The following SLC4A10 variants were observed in gnomAD, a reference collection of about 807,000 sequenced individuals.
SLC4A10 encodes the protein sodium-driven chloride bicarbonate exchanger.
Under a neutral mutation model 137.7 loss-of-function variants are expected in SLC4A10, and 42 were observed. The ratio of observed to expected loss-of-function variants is 0.30; its 90% confidence interval spans 0.24 to 0.39. SLC4A10 has a LOEUF of 0.39. SLC4A10 is among the 10% of genes least tolerant of loss of function. SLC4A10 has a pLI of 1.00. For missense variants in SLC4A10, 925 were observed against 1,355.0 expected, an observed-to-expected ratio of 0.68 and a Z score of 4.98; for synonymous variants, 474 against 464.1, an observed-to-expected ratio of 1.02 and a Z score of -0.27.
At chr2:161,630,499 G>A (rs989162122) in intron 1 of SLC4A10, among the ~76,000 whole-genome samples, 2 of 151,566 alleles carry the variant, frequency 1.3e-5, no homozygotes, top group Non-Finnish European at 3.0e-5. Flanking sequence ...TTTTAGACTG[G>A]CTCCTTAATT....
chr2:161,820,167 T>A (rs548710903), intron 3 of SLC4A10, among the ~76,000 whole-genome samples: 1 of 152,248 alleles, frequency 6.6e-6, no homozygotes, highest in East Asian at 1.9e-4. Flanking sequence ...TCTTAGGTGG[T>A]AAATTGTGCA....
chr2:161,922,094 G>A lies in SLC4A10; in HGVS notation c.1997+16207G>A, dbSNP rs142839405. Among the ~76,000 whole-genome samples, 328 of 152,226 alleles carry A rather than the reference G, an allele frequency of 2.2e-3. 2 individuals carry two copies. The highest frequency in any genetic ancestry group is 7.5e-3 in the African/African-American group (313 of 41,554). ...CACAAAATTACATTATACAAATGAC[G>A]TAAGTGCTATCATATAAAAGTATAG... is the stretch of plus-strand genomic sequence containing the variant. On this transcript the variant is annotated intron_variant, in intron 15 of 26. Transcript: ENST00000446997.
intron 1 of SLC4A10, among the ~76,000 whole-genome samples, chr2:161,686,238 T>G (rs1574340653): frequency 1.3e-5 from 2 of 152,308 alleles, no homozygotes; most frequent in African/African-American, 4.8e-5. Context: ...CTTAGGGATA[T>G]GAAAGATGAA....
chr2:161,812,707 T>C (rs948139135), intron 3 of SLC4A10, among the ~76,000 whole-genome samples: 1 of 152,190 alleles, frequency 6.6e-6, no homozygotes, highest in Non-Finnish European at 1.5e-5. Context: ...TGTCATTCTT[T>C]TTATGGCTGC....
chr2:161,843,597 G>C (rs372704392), intron 4 of SLC4A10, among the ~76,000 whole-genome samples: 19 of 152,160 alleles, frequency 1.2e-4, no homozygotes, highest in African/African-American at 4.3e-4. Context: ...TGAGGATTTC[G>C]AAAAGTAACA....
intron 4 of SLC4A10, among the ~76,000 whole-genome samples, chr2:161,843,582 T>A (rs1196109858): frequency 6.6e-6 from 1 of 152,060 alleles, no homozygotes; most frequent in Non-Finnish European, 1.5e-5. Flanking sequence ...GCAGAACATA[T>A]TTATTGAGGA....
chr2:161,803,006 A>G (rs1182962319), intron 2 of SLC4A10, among the ~76,000 whole-genome samples: 1 of 152,060 alleles, frequency 6.6e-6, no homozygotes, highest in African/African-American at 2.4e-5. Context: ...CCATTATAAT[A>G]TTTTGTGTAC....
At chr2:161,859,644 A>G (rs1327815774) in intron 5 of SLC4A10, among the ~76,000 whole-genome samples, 1 of 114,554 alleles carries the variant, frequency 8.7e-6, no homozygotes, top group Non-Finnish European at 1.6e-5. Flanking sequence ...TTTGTCTCCC[A>G]GGCTGGAGTG....
rs61748241 is a variant in SLC4A10, at chr2:161,894,723, G to A, written c.1239G>A (p.Leu413=). The A allele has an allele frequency of 0.016, 22,947 of 1,443,508 alleles. 231 individuals are homozygous for A. The highest frequency in any genetic ancestry group is 0.018 in the Non-Finnish European group (20,118 of 1,087,714). 89.4% of individuals were successfully genotyped at this position (1,443,508 alleles called of 1,614,324 possible). A position where few individuals can be genotyped will look rare whatever the true frequency, so the allele number is the denominator to read the frequency against. ...VAYKAKDRND[L]VSGIDEFLDQ... is the part of the protein sequence containing the mutation. Reference sequence around the variant, plus strand: ...ATAAAGCTAAAGATCGTAATGACTTGGTATCAGGAATTGATGAGTTTCTGG... The same window carrying A: ...ATAAAGCTAAAGATCGTAATGACTTAGTATCAGGAATTGATGAGTTTCTGG... Residue 413 remains leucine (L), a synonymous_variant, in exon 11 of 27, where the codon TTG becomes TTA. Transcript: ENST00000446997.
rs375829790 is a variant in SLC4A10, at chr2:161,897,553, A to C, written c.1341+2728A>C. Among the ~76,000 whole-genome samples the C allele has an allele frequency of 1.1e-4, 17 of 152,280 alleles. No individual in the cohort carries two copies. The South Asian group carries it at 3.5e-3, about 32-fold the overall frequency. ...CTCAATTTCACTGTCAATTTAAAGA[A>C]ACTATATGGATACCTCATTTTTATA... On this transcript the variant is annotated intron_variant, in intron 11 of 26. Coordinates refer to ENST00000446997, the MANE Select transcript of SLC4A10 (RefSeq NM_001178015.2).
chr2:161,887,105 T>C (rs1407322821), intron 10 of SLC4A10, among the ~76,000 whole-genome samples: 1 of 152,160 alleles, frequency 6.6e-6, no homozygotes, highest in African/African-American at 2.4e-5. Flanking sequence ...TCCATGTCCC[T>C]GCAAAGGACA....
chr2:161,624,429 C>T lies in SLC4A10; in HGVS notation c.-90C>T, dbSNP rs1002312768. The T allele has an allele frequency of 6.5e-7, 1 of 1,544,310 alleles. No individual in the cohort carries two copies. Among genetic ancestry groups the T allele is most frequent in the Non-Finnish European group, 8.8e-7 (1 of 1,142,634 alleles). ...GCCTCCTGCTTCAGAGCTACCTGAT[C>T]CGAATACTAAGCAGAGCGAGTGCCG... On this transcript the variant is annotated 5_prime_UTR_variant, in exon 1 of 27. Transcript: ENST00000446997.
chr2:161,635,680 G>A (rs1188787097), intron 1 of SLC4A10, among the ~76,000 whole-genome samples: 1 of 152,040 alleles, frequency 6.6e-6, no homozygotes, highest in Admixed American at 6.6e-5. Context: ...AGGTAATTTG[G>A]GTGCAGTGAT....
In SLC4A10 at chr2:161,945,220, A is replaced by G. The variant is rs1362275565; in HGVS notation, c.2103+2323A>G. On this transcript the variant is annotated intron_variant, in intron 16 of 26. Coordinates refer to ENST00000446997, the MANE Select transcript of SLC4A10 (RefSeq NM_001178015.2). ...TATATATATATATATATATATATAT[A>G]TATATATATATATATTTGTCAGTAT... is the stretch of plus-strand genomic sequence containing the variant. Among the ~76,000 whole-genome samples the G allele has an allele frequency of 7.9e-5, 9 of 113,984 alleles. No homozygotes were observed. In the South Asian group the frequency reaches 1.6e-3, roughly 20 times the overall value. 74.8% of individuals were successfully genotyped at this position (113,984 alleles called of 152,430 possible). A position where few individuals can be genotyped will look rare whatever the true frequency, so the allele number is the denominator to read the frequency against.
chr2:161,747,948 A>G lies in SLC4A10; in HGVS notation c.49-23025A>G, dbSNP rs536056350. 9.2e-5 allele frequency among the ~76,000 whole-genome samples: 14 copies of G among 152,174 alleles called. 1 individual carries two copies. The South Asian group carries it at 2.9e-3, about 32-fold the overall frequency. On this transcript the variant is annotated intron_variant, in intron 1 of 26. Transcript: ENST00000446997. ...AGGCTTCTCTTTTCTCCACACCCTC[A>G]CCAACATTTACCTTATGTCTTATGT...
chr2:161,727,024 C>T (rs1275263220), intron 1 of SLC4A10, among the ~76,000 whole-genome samples: 1 of 152,216 alleles, frequency 6.6e-6, no homozygotes, highest in African/African-American at 2.4e-5. Flanking sequence ...ATGCAAATCT[C>T]CCACCCCTAC....
chr2:161,740,969 T>C (rs528641902), intron 1 of SLC4A10, among the ~76,000 whole-genome samples: 74 of 152,286 alleles, frequency 4.9e-4, no homozygotes, highest in Admixed American at 1.9e-3. Flanking sequence ...TAGTTACCTC[T>C]TTTTTGTGTG....
chr2:161,935,737 T>TTTTC (rs1274155268), intron 15 of SLC4A10, among the ~76,000 whole-genome samples: 12 of 152,040 alleles, frequency 7.9e-5, no homozygotes, highest in South Asian at 2.1e-4. Flanking sequence ...ATAAGGATAA[T>TTTTC]TTTCTTTCTT....
chr2:161,624,426 G>C lies in SLC4A10; in HGVS notation c.-93G>C. 6.5e-7 allele frequency: 1 copy of C among 1,543,550 alleles called. No individual in the cohort carries two copies. The highest frequency in any genetic ancestry group is 2.5e-5 in the East Asian group (1 of 40,634). On this transcript the variant is annotated 5_prime_UTR_variant, in exon 1 of 27. Coordinates refer to ENST00000446997, the MANE Select transcript of SLC4A10 (RefSeq NM_001178015.2). ...ATTGCCTCCTGCTTCAGAGCTACCT[G>C]ATCCGAATACTAAGCAGAGCGAGTG...
Sources: gnomAD v4.1 joint callset for allele counts (sites outside exome capture counted in the v4.1 genomes callset) on GRCh38, gnomAD v4.1.1 for gene constraint, MANE v1.5 for transcripts, NCBI Gene and HGNC (gene_info 2026-07-23, HGNC 2026-07-21) for gene names.